TTC6: variants seen among roughly 807,000 people sequenced by gnomAD.
TTC6 encodes tetratricopeptide repeat domain 6.
Under a neutral mutation model 210.4 loss-of-function variants are expected in TTC6, and 172 were observed. The observed-to-expected ratio is 0.82, with a 90% CI of 0.72 to 0.93. The LOEUF (loss-of-function observed/expected upper bound fraction) is 0.93. TTC6 is among the 40% of genes least tolerant of loss of function. TTC6 has a pLI of 0.00. For missense variants in TTC6, 2,414 were observed against 2,318.1 expected, an observed-to-expected ratio of 1.04 and a Z score of -0.85; for synonymous variants, 804 against 819.6, an observed-to-expected ratio of 0.98 and a Z score of 0.32.
chr14:37,620,701 CTT>C (rs2095649758), upstream of TTC6, among the ~76,000 whole-genome samples: 1 of 152,202 alleles, frequency 6.6e-6, no homozygotes, highest in African/African-American at 2.4e-5. Flanking sequence ...AATTTGTCCT[CTT>C]TACCATTTTA....
chr14:37,687,463 A>C (rs924179160), intron 3 of TTC6, among the ~76,000 whole-genome samples: 1 of 152,132 alleles, frequency 6.6e-6, no homozygotes, highest in African/African-American at 2.4e-5. Context: ...GAGATAGTGG[A>C]CTAGGGAGGC....
intron 29 of TTC6, among the ~76,000 whole-genome samples, chr14:37,828,450 A>G: frequency 6.6e-6 from 1 of 152,014 alleles, no homozygotes; most frequent in Non-Finnish European, 1.5e-5. Flanking sequence ...CATTCCACAC[A>G]TTTGGCTCTG....
At chr14:37,656,291 T>C (rs1178546901) in intron 1 of TTC6, among the ~76,000 whole-genome samples, 1 of 152,128 alleles carries the variant, frequency 6.6e-6, no homozygotes, top group Non-Finnish European at 1.5e-5. Flanking sequence ...CAAGATAGAC[T>C]CCTTTAAAGT....
upstream of TTC6, among the ~76,000 whole-genome samples, chr14:37,619,365 A>G (rs1345385925): frequency 1.3e-5 from 2 of 152,202 alleles, no homozygotes; most frequent in African/African-American, 2.4e-5. Flanking sequence ...TCTTCATACT[A>G]TCAAACATCA....
At chr14:37,668,519 CAGA>C (rs1258177707) in intron 1 of TTC6, among the ~76,000 whole-genome samples, 1 of 137,374 alleles carries the variant, frequency 7.3e-6, no homozygotes, top group Non-Finnish European at 1.7e-5. Flanking sequence ...CTCATAGTAA[CAGA>C]AGAAGTTCAA....
chr14:37,732,765 C>T (rs948008101), intron 7 of TTC6, among the ~76,000 whole-genome samples: 4 of 142,838 alleles, frequency 2.8e-5, no homozygotes, highest in African/African-American at 5.0e-5. Flanking sequence ...CTACAGGCGC[C>T]CGCCACCACG....
chr14:37,598,466 C>T lies in TTC6; in HGVS notation c.-235+2458C>T, dbSNP rs777051190. The stretch of plus-strand genomic sequence containing the variant: ...GGCTCCGCCCTTCCCGGAAGCTGCC[C>T]TTGCTACACCCGTGGGGCCTGCTCC... On this transcript the variant is annotated intron_variant, in intron 1 of 2. Transcript: ENST00000556845. This position sits in a 1 kb window ranked among gnomAD's most constrained non-coding sequence, Gnocchi z 4.9. 2.0e-5 allele frequency among the ~76,000 whole-genome samples: 3 copies of T among 152,228 alleles called. No individual in the cohort carries two copies. Among genetic ancestry groups the T allele is most frequent in the African/African-American group, 7.2e-5 (3 of 41,472 alleles).
chr14:37,784,615 A>G (rs982258577), intron 14 of TTC6, among the ~76,000 whole-genome samples: 1 of 152,140 alleles, frequency 6.6e-6, no homozygotes, highest in African/African-American at 2.4e-5. Flanking sequence ...CATTTAGCCC[A>G]TTTACATTTA....
In TTC6 at chr14:37,780,505, G is replaced by C. The variant is rs143889258; in HGVS notation, c.3267-6963G>C. ...TATAAGTGAGAACATGCAGTGTTCG[G>C]TTTTCTGTTCCTGTGTTAGTTTGCT... On this transcript the variant is annotated intron_variant, in intron 14 of 30. Coordinates refer to ENST00000553443, the Ensembl canonical transcript of TTC6. Among the ~76,000 whole-genome samples, 777 of 152,228 alleles carry C rather than the reference G, an allele frequency of 5.1e-3. 5 individuals carry two copies. The highest frequency in any genetic ancestry group is 0.018 in the African/African-American group (743 of 41,530).
intron 1 of TTC6, among the ~76,000 whole-genome samples, chr14:37,624,461 C>T (rs927590370): frequency 2.0e-5 from 3 of 152,010 alleles, no homozygotes; most frequent in East Asian, 3.9e-4. Context: ...GTCCAGAGGT[C>T]CCGTACAGTT....
At chr14:37,617,962 T>C (rs1382174332), upstream of TTC6, among the ~76,000 whole-genome samples, 1 of 152,222 alleles carries the variant, frequency 6.6e-6, no homozygotes, top group East Asian at 1.9e-4. Context: ...CAAGGTCTGG[T>C]AATTCATATT....
chr14:37,752,995 T>A (rs1251389324), intron 13 of TTC6, 104 bp from the exon 16 acceptor site: 1 of 900,580 alleles, frequency 1.1e-6, no homozygotes, highest in Non-Finnish European at 1.5e-6. Context: ...TGGTTTGCTT[T>A]TATTAACCCG....
At chr14:37,749,653 T>G in intron 11 of TTC6, 61 bp from the exon 14 acceptor site, 1 of 1,197,070 alleles carries the variant, frequency 8.4e-7, no homozygotes, top group Non-Finnish European at 1.1e-6. Flanking sequence ...AAAAATTTAT[T>G]TGATAGGATA....
At chr14:37,826,442 G>A (rs1354033178) in intron 28 of TTC6, 95 bp downstream of exon 30, 3 of 1,035,118 alleles carry the variant, frequency 2.9e-6, no homozygotes, top group Non-Finnish European at 3.9e-6. Flanking sequence ...TTTTTAAAGT[G>A]ACTTATGGAG....
intron 26 of TTC6, among the ~76,000 whole-genome samples, chr14:37,820,612 A>G (rs573351302): frequency 1.9e-4 from 29 of 152,302 alleles, no homozygotes; most frequent in Non-Finnish European, 2.6e-4. Flanking sequence ...TTGGATGTCA[A>G]TATTACTAGG....
chr14:37,806,032 G>C (rs996141153), intron 21 of TTC6, among the ~76,000 whole-genome samples: 2 of 152,048 alleles, frequency 1.3e-5, no homozygotes, highest in African/African-American at 4.8e-5. Flanking sequence ...GCATTTGCTG[G>C]ATCCTAATGA....
At chr14:37,698,532 A>G (rs34567961) in intron 4 of TTC6, among the ~76,000 whole-genome samples, 8,725 of 152,162 alleles carry the variant, frequency 0.057, 387 homozygotes, top group Non-Finnish European at 0.09. Flanking sequence ...TTAGGAGCCC[A>G]GAGTACCTGG....
At chr14:37,746,640 G>T (rs1264055625) in intron 10 of TTC6, among the ~76,000 whole-genome samples, 2 of 152,150 alleles carry the variant, frequency 1.3e-5, no homozygotes, top group African/African-American at 4.8e-5. Flanking sequence ...CCAACCCAAG[G>T]TCACCTCCAT....
At chr14:37,780,861 G>A (rs1192710297) in intron 14 of TTC6, among the ~76,000 whole-genome samples, 2 of 152,118 alleles carry the variant, frequency 1.3e-5, no homozygotes, top group Non-Finnish European at 2.9e-5. Context: ...TCCCAGTTAT[G>A]AGTGAGAATA....
Sources: gnomAD v4.1 joint callset for allele counts (sites outside exome capture counted in the v4.1 genomes callset) on GRCh38, gnomAD v4.1.1 for gene constraint, Gnocchi (gnomAD v3.1) non-coding constraint, MANE v1.5 for transcripts, NCBI Gene and HGNC (gene_info 2026-07-23, HGNC 2026-07-21) for gene names.